The following ZNF561 variants were observed in gnomAD, a reference collection of about 807,000 sequenced individuals.
ZNF561 encodes zinc finger protein 561.
A neutral mutation model predicts 16.7 loss-of-function variants in ZNF561; 16 were observed. That is an observed-to-expected ratio of 0.96 (90% CI 0.65 to 1.45). The LOEUF (loss-of-function observed/expected upper bound fraction) is 1.45. ZNF561 is among the 40% of genes most tolerant of loss of function. The probability of loss-of-function intolerance (pLI) is 0.00; values close to 1 mark genes in which losing one functional copy is unlikely to be tolerated. For synonymous variants in ZNF561, 190 were observed against 192.1 expected (o/e 0.99, Z 0.09); for missense variants, 580 against 578.0 (o/e 1.00, Z -0.04).
rs567286614 is a variant in ZNF561, at chr19:9,609,670, G to A, written c.*530C>T. ...TAGACATACAAGGCAGAACAGGCAA[G>A]GCTGTCACACTTCTTAGATTTTACA... On this transcript the variant is annotated 3_prime_UTR_variant, in exon 6 of 6. Transcript: ENST00000302851. 3.2e-5 allele frequency: 5 copies of A among 154,182 alleles called. No homozygotes were observed. In the South Asian group the frequency reaches 1.0e-3, roughly 31 times the overall value. 9.6% of individuals were successfully genotyped at this position (154,182 alleles called of 1,614,324 possible). A position where few individuals can be genotyped will look rare whatever the true frequency, so the allele number is the denominator to read the frequency against.
Position 9,610,009 on chromosome 19 carries a change from TGACCCTTCTTCACA to T in ZNF561, c.*177_*190del. The T allele has an allele frequency of 1.8e-6, 1 of 561,974 alleles. No individual in the cohort carries two copies. Among genetic ancestry groups the T allele is most frequent in the Non-Finnish European group, 3.1e-6 (1 of 320,584 alleles). 34.8% of individuals were successfully genotyped at this position (561,974 alleles called of 1,614,324 possible). A position where few individuals can be genotyped will look rare whatever the true frequency, so the allele number is the denominator to read the frequency against. On this transcript the variant is annotated 3_prime_UTR_variant, in exon 6 of 6. Transcript: ENST00000302851. ...CCTGCAGTACTGACCTCACCATCCATGACCCTTCTTCACAGATGCCCAGACTCAGGCAACCATGA... is the reference window on the plus strand; with the variant it reads ...CCTGCAGTACTGACCTCACCATCCATGATGCCCAGACTCAGGCAACCATGA...
Position 9,609,558 on chromosome 19 carries a change from GA to G in ZNF561, c.*641del, listed in dbSNP as rs2074408528. 6.6e-6 allele frequency: 1 copy of G among 152,218 alleles called. No individual in the cohort carries two copies. Among genetic ancestry groups the G allele is most frequent in the African/African-American group, 2.4e-5 (1 of 41,440 alleles). 9.4% of individuals were successfully genotyped at this position (152,218 alleles called of 1,614,324 possible). A position where few individuals can be genotyped will look rare whatever the true frequency, so the allele number is the denominator to read the frequency against. On this transcript the variant is annotated 3_prime_UTR_variant, in exon 6 of 6. Transcript: ENST00000302851. ...AAAGAGATCATGAGTGGGATTCATG[GA>G]CTATATCAGCCACCTTGACAGAAGT... is the stretch of plus-strand genomic sequence containing the variant.
At position 9,617,116 on chromosome 19, in the gene ZNF561, A is replaced by G. The variant is rs2074569093; in HGVS notation, c.170T>C (p.Leu57Ser). Reference sequence around the variant, plus strand: ...GAGGTATTTCTCAGTTGTGTCCAGTAAAGCCCACTCCTCTGGGGTGAAGTC... The same window carrying G: ...GAGGTATTTCTCAGTTGTGTCCAGTGAAGCCCACTCCTCTGGGGTGAAGTC... ...AVDFTPEEWA[L>S]LDTTEKYLYR... is the part of the protein sequence containing the mutation. Residue 57 changes from leucine (L) to serine (S), a missense_variant, in exon 4 of 6, where the codon TTA becomes TCA. By Grantham distance (145) the Leu-to-Ser change is moderately radical. Coordinates refer to ENST00000302851, the MANE Select transcript of ZNF561 (RefSeq NM_152289.3). The G allele has an allele frequency of 1.2e-6, 2 of 1,613,890 alleles. No individual in the cohort carries two copies. The highest frequency in any genetic ancestry group is 1.7e-6 in the Non-Finnish European group (2 of 1,179,824).
Position 9,611,118 on chromosome 19 carries a change from A to G in ZNF561, c.543T>C (p.Thr181=). ...CTTCAAGATGTACAGCAAGACCTGG[A>G]GTTAGAGTAAAGACTTTTCCACATG... is the stretch of plus-strand genomic sequence containing the variant. ...FNPCGKVFTL[T]PGLAVHLEVL... The change falls in exon 6 of 6, where the codon ACT becomes ACC. Residue 181 remains threonine, a synonymous_variant. Transcript: ENST00000302851. 1 of 1,614,078 alleles carries G rather than the reference A, an allele frequency of 6.2e-7. No homozygotes were observed. Among genetic ancestry groups the G allele is most frequent in the Non-Finnish European group, 8.5e-7 (1 of 1,179,928 alleles).
chr19:9,619,793 C>T (rs1220267133), intron 1 of ZNF561, among the ~76,000 whole-genome samples: 2 of 152,110 alleles, frequency 1.3e-5, no homozygotes, highest in African/African-American at 2.4e-5. Context: ...TATATACATG[C>T]TCAGTTAATT....
At chr19:9,615,751 CA>C (rs1192652868) in intron 4 of ZNF561, among the ~76,000 whole-genome samples, 21,215 of 85,266 alleles carry the variant, frequency 0.25, 1,624 homozygotes, top group Admixed American at 0.37. Context: ...ACTAAAAATA[CA>C]AAAAAAAAAA....
intron 4 of ZNF561, chr19:9,614,326 A>G: frequency 2.1e-6 from 1 of 474,744 alleles, no homozygotes; most frequent in Non-Finnish European, 3.8e-6. Context: ...AAAATTAAAA[A>G]TGCCGGGAGT....
In ZNF561 at chr19:9,614,168, T is replaced by C. The variant is rs947873524; in HGVS notation, c.242-65A>G. 1.7e-4 allele frequency: 262 copies of C among 1,561,106 alleles called. 1 individual carries two copies. In the Admixed American group the frequency reaches 4.5e-3, roughly 27 times the overall value. On this transcript the variant is annotated intron_variant, in intron 4 of 5. Transcript: ENST00000302851. ...AGAAATATTCATTTAAAATGAGTCA[T>C]TTTTACTTGTTTTCAAATTAAACAC...
chr19:9,617,433 T>TTTTTAAA (rs1210224070), intron 3 of ZNF561: 4 of 587,858 alleles, frequency 6.8e-6, no homozygotes, highest in Admixed American at 5.2e-5. Context: ...AATATTTGTA[T>TTTTTAAA]TTTTAAATTT....
chr19:9,611,189 C>T lies in ZNF561; in HGVS notation c.472G>A (p.Val158Met). Residue 158 changes from valine to methionine, a missense_variant, in exon 6 of 6, where the codon GTG becomes ATG. Val to Met is a conservative substitution (Grantham distance 21, BLOSUM62 1). Coordinates refer to ENST00000302851, the MANE Select transcript of ZNF561 (RefSeq NM_152289.3). ...TGTCCAGTAGAGGCTTCCTTGTGCA[C>T]ACTGAGGGTGTCTTTTCCATAACAA... ...GNCYGKDTLS[V>M]HKEASTGQEL... 1 of 1,613,948 alleles carries T rather than the reference C, an allele frequency of 6.2e-7. No homozygotes were observed. Among genetic ancestry groups the T allele is most frequent in the Non-Finnish European group, 8.5e-7 (1 of 1,179,872 alleles).
chr19:9,613,851 T>A (rs1192321016), intron 5 of ZNF561, among the ~76,000 whole-genome samples, 170 bp downstream of exon 5: 1 of 152,160 alleles, frequency 6.6e-6, no homozygotes, highest in Non-Finnish European at 1.5e-5. Flanking sequence ...CTTACTATAC[T>A]GCCTAGGCTG....
chr19:9,619,398 G>GA, intron 2 of ZNF561, 34 bp downstream of exon 2: 1 of 1,610,608 alleles, frequency 6.2e-7, no homozygotes, highest in Non-Finnish European at 8.5e-7. Context: ...ACCTAAAGCA[G>GA]AATCTCTGAA....
In ZNF561 at chr19:9,611,267, A is replaced by G. The variant is rs1436846543; in HGVS notation, c.394T>C (p.Cys132Arg). 3 of 1,614,048 alleles carry G rather than the reference A, an allele frequency of 1.9e-6. No individual in the cohort carries two copies. The highest frequency in any genetic ancestry group is 1.1e-5 in the South Asian group (1 of 91,074). The change falls in exon 6 of 6, where the codon TGC becomes CGC. Residue 132 changes from cysteine (C) to arginine (R), a missense_variant. By Grantham distance (180) the Cys-to-Arg change is radical. Transcript: ENST00000302851. Reference sequence around the variant, plus strand: ...TGAACTCTCATGTGTGTCTTAAGGCAAAACTGTTCCCTGAAGACCTCTCCA... The same window carrying G: ...TGAACTCTCATGTGTGTCTTAAGGCGAAACTGTTCCCTGAAGACCTCTCCA... The part of the protein sequence containing the change: ...NCGEVFREQF[C>R]LKTHMRVQNG...
chr19:9,617,320 T>A, intron 3 of ZNF561, 149 bp from the exon 4 acceptor site: 2 of 1,319,430 alleles, frequency 1.5e-6, no homozygotes, highest in Middle Eastern at 2.0e-4. Context: ...CAGGAGCTCT[T>A]GTGTCTAAAC....
intron 5 of ZNF561, 143 bp downstream of exon 5, chr19:9,613,878 C>T: frequency 1.1e-6 from 1 of 939,618 alleles, no homozygotes; most frequent in Non-Finnish European, 1.6e-6. Flanking sequence ...AACTCTTGGG[C>T]TCAAATGAGA....
rs569514472 is a variant in ZNF561, at chr19:9,618,161, G to C, written c.44C>G (p.Pro15Arg). 1.1e-5 allele frequency: 17 copies of C among 1,550,864 alleles called. No homozygotes were observed. Among genetic ancestry groups the C allele is most frequent in the Non-Finnish European group, 1.4e-5 (16 of 1,146,582 alleles). Reference protein sequence around the residue: ...YLSRGFFSREPICPFEEKTKV... With the variant: ...YLSRGFFSRERICPFEEKTKV... ...TGTCTTTTCTTCAAAAGGGCAGATTGGTTCCCTGGAAAAAAACCCTAGTGG... is the reference window on the plus strand; with the variant it reads ...TGTCTTTTCTTCAAAAGGGCAGATTCGTTCCCTGGAAAAAAACCCTAGTGG... The change falls in exon 3 of 6, where the codon CCA (proline) becomes CGA (arginine). Residue 15 changes from proline (P) to arginine (R), a missense_variant. Coordinates refer to ENST00000302851, the MANE Select transcript of ZNF561 (RefSeq NM_152289.3).
chr19:9,608,419 TCA>T lies in ZNF561; in HGVS notation c.*1779_*1780del, dbSNP rs1201438859. The T allele has an allele frequency of 6.6e-6, 1 of 152,188 alleles. No individual in the cohort carries two copies. Among genetic ancestry groups the T allele is most frequent in the Non-Finnish European group, 1.5e-5 (1 of 68,046 alleles). 9.4% of individuals were successfully genotyped at this position (152,188 alleles called of 1,614,324 possible). A position where few individuals can be genotyped will look rare whatever the true frequency, so the allele number is the denominator to read the frequency against. ...AGTTGACCATGCTGGCACTCTGATCTCAGACTTCCAGCCTCGAGAAATGTGAG... is the reference window on the plus strand; with the variant it reads ...AGTTGACCATGCTGGCACTCTGATCTGACTTCCAGCCTCGAGAAATGTGAG... On this transcript the variant is annotated 3_prime_UTR_variant, in exon 6 of 6. Transcript: ENST00000302851.
At chr19:9,618,035 G>C in intron 3 of ZNF561, 56 bp downstream of exon 3, 1 of 1,458,140 alleles carries the variant, frequency 6.9e-7, no homozygotes, top group Non-Finnish European at 9.4e-7. Flanking sequence ...AAAGAAATCT[G>C]TCTACCTATT....
intron 5 of ZNF561, among the ~76,000 whole-genome samples, chr19:9,613,516 C>CA (rs1343583830): frequency 3.3e-5 from 5 of 151,668 alleles, no homozygotes; most frequent in Non-Finnish European, 7.4e-5. Flanking sequence ...ATTACAGACT[C>CA]AGTTTCTTTT....
Sources: allele counts gnomAD v4.1 joint callset (sites outside exome capture counted in the v4.1 genomes callset), GRCh38; gene constraint gnomAD v4.1.1; transcripts MANE v1.5; gene names NCBI Gene and HGNC (gene_info 2026-07-23, HGNC 2026-07-21).